The following LIN52 variants were observed in gnomAD, a reference collection of about 807,000 sequenced individuals.
The protein encoded by LIN52 is lin-52 DREAM MuvB core complex component.
LIN52 carries 4 observed loss-of-function variants against 18.5 expected under a neutral mutation model. That is an observed-to-expected ratio of 0.22 (90% CI 0.11 to 0.49). LIN52 has a LOEUF of 0.49. Ranked by LOEUF, LIN52 falls within the 20% of genes least tolerant of loss-of-function variation. The pLI is 0.97. For missense variants in LIN52, 102 were observed against 139.5 expected (o/e 0.73, Z 1.35); for synonymous variants, 34 against 45.5 (o/e 0.75, Z 1.02).
chr14:74,158,735 C>T (rs746369200), intron 5 of LIN52, among the ~76,000 whole-genome samples: 4 of 152,212 alleles, frequency 2.6e-5, no homozygotes, highest in Non-Finnish European at 4.4e-5. Context: ...ACCTCAGTCT[C>T]CCAAAGTGCT....
chr14:74,125,774 A>C (rs1419505289), intron 5 of LIN52, among the ~76,000 whole-genome samples: 3 of 151,854 alleles, frequency 2.0e-5, no homozygotes, highest in Non-Finnish European at 4.4e-5. Context: ...CTTTCTCAGC[A>C]AACTATCACA....
intron 5 of LIN52, among the ~76,000 whole-genome samples, chr14:74,104,591 A>C (rs1471448524): frequency 6.9e-6 from 1 of 143,966 alleles, no homozygotes; most frequent in Admixed American, 7.0e-5. Context: ...TACAGGCTTG[A>C]TTTTTTTTTT....
chr14:74,198,541 G>A (rs1212545288), intron 5 of LIN52, among the ~76,000 whole-genome samples: 1 of 152,200 alleles, frequency 6.6e-6, no homozygotes, highest in African/African-American at 2.4e-5. Context: ...GCAACCCAGA[G>A]AAGACTAATC....
chr14:74,181,727 G>A (rs1203842306), intron 5 of LIN52, among the ~76,000 whole-genome samples: 1 of 152,024 alleles, frequency 6.6e-6, no homozygotes, highest in African/African-American at 2.4e-5. Flanking sequence ...AGTAGTTCAT[G>A]AATTTTTTAA....
At chr14:74,085,861 C>CA (rs1199025092) in intron 1 of LIN52, among the ~76,000 whole-genome samples, 1 of 152,004 alleles carries the variant, frequency 6.6e-6, no homozygotes, top group Non-Finnish European at 1.5e-5. Flanking sequence ...TTCCCTTAGA[C>CA]AAAAACATTT....
chr14:74,109,755 C>T (rs1221189862), intron 5 of LIN52, among the ~76,000 whole-genome samples: 2 of 152,188 alleles, frequency 1.3e-5, no homozygotes, highest in Admixed American at 6.5e-5. Context: ...TCAGTTTGCT[C>T]ATTGCTACTA....
At chr14:74,116,833 T>G (rs1459564379) in intron 5 of LIN52, among the ~76,000 whole-genome samples, 11 of 150,950 alleles carry the variant, frequency 7.3e-5, no homozygotes, top group Admixed American at 7.3e-4. Flanking sequence ...AGCAGGTGTT[T>G]TTTTTTTTTT....
intron 2 of LIN52, among the ~76,000 whole-genome samples, chr14:74,095,660 C>T (rs1469443341): frequency 6.6e-6 from 1 of 152,130 alleles, no homozygotes; most frequent in Non-Finnish European, 1.5e-5. Flanking sequence ...TTGTATCTTA[C>T]CACCCTCCCA....
chr14:74,088,934 G>A (rs1192143352), intron 1 of LIN52, among the ~76,000 whole-genome samples: 3 of 152,192 alleles, frequency 2.0e-5, no homozygotes, highest in Admixed American at 1.3e-4. Context: ...GGTAGAGGCT[G>A]AGTAAGATTT....
intron 5 of LIN52, among the ~76,000 whole-genome samples, chr14:74,135,656 A>G (rs1318532833): frequency 6.6e-6 from 1 of 152,174 alleles, no homozygotes; most frequent in Non-Finnish European, 1.5e-5. Flanking sequence ...TTGTTGCAAG[A>G]ATAAGATTTG....
At chr14:74,194,762 G>T (rs1402861955) in intron 5 of LIN52, among the ~76,000 whole-genome samples, 2 of 152,170 alleles carry the variant, frequency 1.3e-5, no homozygotes, top group African/African-American at 4.8e-5. Context: ...GATGACCAGT[G>T]GGCCCCTCTT....
chr14:74,158,331 T>G (rs1053532301), intron 5 of LIN52, among the ~76,000 whole-genome samples: 2 of 152,118 alleles, frequency 1.3e-5, no homozygotes, highest in African/African-American at 4.8e-5. Flanking sequence ...CAGGCTGGTC[T>G]CAAACTCCTG....
chr14:74,097,974 T>G (rs973360363), intron 4 of LIN52, 114 bp downstream of exon 4: 5 of 699,150 alleles, frequency 7.2e-6, no homozygotes, highest in Admixed American at 5.1e-5. Context: ...ACTTCTCATT[T>G]AAACCTCCTT....
At chr14:74,163,367 C>G (rs1175051236) in intron 5 of LIN52, among the ~76,000 whole-genome samples, 2 of 152,200 alleles carry the variant, frequency 1.3e-5, no homozygotes, top group East Asian at 1.9e-4. Context: ...CAAGCGTGAG[C>G]CACTGCACCC....
At chr14:74,175,677 G>C (rs1447194937) in intron 5 of LIN52, among the ~76,000 whole-genome samples, 1 of 139,882 alleles carries the variant, frequency 7.1e-6, no homozygotes, top group Non-Finnish European at 1.5e-5. Context: ...AGCCTGGGTG[G>C]CAAAGCAAGA....
intron 5 of LIN52, among the ~76,000 whole-genome samples, chr14:74,166,814 A>T (rs2061251662): frequency 2.0e-5 from 3 of 152,224 alleles, no homozygotes; most frequent in Admixed American, 2.0e-4. Flanking sequence ...AATTTTCATT[A>T]TTAAGGTCCT....
chr14:74,102,836 G>A (rs1250524711), intron 5 of LIN52, among the ~76,000 whole-genome samples: 3 of 152,078 alleles, frequency 2.0e-5, no homozygotes, highest in African/African-American at 7.2e-5. Flanking sequence ...CTCTTTTTCT[G>A]CTTTCCTACT....
At chr14:74,149,763 G>A (rs2061168458) in intron 5 of LIN52, among the ~76,000 whole-genome samples, 1 of 152,300 alleles carries the variant, frequency 6.6e-6, no homozygotes, top group South Asian at 2.1e-4. Context: ...GTTAGAGAAT[G>A]TTTAGGAGAA....
chr14:74,088,007 G>C (rs2060746670), intron 1 of LIN52, among the ~76,000 whole-genome samples: 1 of 152,034 alleles, frequency 6.6e-6, no homozygotes, highest in African/African-American at 2.4e-5. Context: ...CACCCTCAAA[G>C]GCTCAAGCGA....
Sources: gnomAD v4.1 joint callset for allele counts (sites outside exome capture counted in the v4.1 genomes callset) on GRCh38, gnomAD v4.1.1 for gene constraint, MANE v1.5 for transcripts, NCBI Gene and HGNC (gene_info 2026-07-23, HGNC 2026-07-21) for gene names.